The following SLC27A4 variants were observed in gnomAD, a reference collection of about 807,000 sequenced individuals.
SLC27A4 encodes solute carrier family 27 member 4, also known as long-chain fatty acid transport protein 4.
In SLC27A4, 33 loss-of-function variants were observed where a neutral mutation model predicts 64.4. That is an observed-to-expected ratio of 0.51 (90% CI 0.39 to 0.68). The LOEUF is 0.68. SLC27A4 is among the 30% of genes least tolerant of loss of function. The pLI, the probability that SLC27A4 is intolerant of heterozygous loss-of-function variation, is 0.00. For missense variants in SLC27A4, 824 were observed against 883.5 expected (o/e 0.93, Z 0.85); for synonymous variants, 377 against 370.0 (o/e 1.02, Z -0.22).
chr9:128,353,272 G>A lies in SLC27A4; in HGVS notation c.1197+38G>A, dbSNP rs1185453172. 1 of 1,610,562 alleles carries A rather than the reference G, an allele frequency of 6.2e-7. No individual in the cohort carries two copies. On this transcript the variant is annotated intron_variant, in intron 8 of 12. Transcript: ENST00000300456. The surrounding 1 kb of genome is among the most constrained non-coding windows in gnomAD (Gnocchi z 4.9). ...TGGGGATGGGCGAGGCTGCTGCAGG[G>A]ATGGCCCACAGAAGGCACTGGATGC...
Position 128,351,566 on chromosome 9 carries a change from A to G in SLC27A4, c.877+991A>G, listed in dbSNP as rs181684098. Among the ~76,000 whole-genome samples the G allele has an allele frequency of 2.4e-3, 356 of 150,566 alleles. 2 individuals are homozygous for G. The highest frequency in any genetic ancestry group is 8.5e-3 in the African/African-American group (345 of 40,824). ...ACCCTGTCTCTACTAAAAGTACAAA[A>G]AGTAGCTGGGCTTGGTGGCGGGTGC... On this transcript the variant is annotated intron_variant, in intron 6 of 12. Transcript: ENST00000300456.
At position 128,350,559 on chromosome 9, in the gene SLC27A4, C is replaced by A. The variant is rs369193438; in HGVS notation, c.861C>A (p.Pro287=). ...ACGACATCGTCTATGACTGCCTCCC[C>A]CTCTACCACTCAGCAGGTAACTCTA... is the stretch of plus-strand genomic sequence containing the variant. ...RPNDIVYDCL[P]LYHSAGNIVG... Residue 287 remains proline (P), a synonymous_variant, in exon 6 of 13, where the codon CCC becomes CCA. Transcript: ENST00000300456. The A allele has an allele frequency of 1.4e-5, 22 of 1,613,032 alleles. No individual in the cohort carries two copies. The highest frequency in any genetic ancestry group is 1.9e-5 in the Non-Finnish European group (22 of 1,179,640).
intron 4 of SLC27A4, 142 bp from the exon 5 acceptor site, chr9:128,350,170 C>G: frequency 1.4e-6 from 1 of 719,176 alleles, no homozygotes; most frequent in African/African-American, 1.7e-5. Context: ...TGAATGGTAT[C>G]TGAGGTTATC....
chr9:128,350,275 G>A (rs1832712789), intron 4 of SLC27A4, 37 bp from the exon 5 acceptor site: 1 of 1,596,484 alleles, frequency 6.3e-7, no homozygotes, highest in Non-Finnish European at 8.6e-7. Flanking sequence ...CCAGCCCTGA[G>A]CTGCCCCCGA....
chr9:128,352,948 G>C, intron 7 of SLC27A4, 77 bp from the exon 8 acceptor site: 1 of 1,329,286 alleles, frequency 7.5e-7, no homozygotes. Flanking sequence ...GGAGAGTAGG[G>C]GCTTGAGGGA....
chr9:128,344,530 C>A (rs1564398635), intron 2 of SLC27A4, among the ~76,000 whole-genome samples: 3 of 150,444 alleles, frequency 2.0e-5, no homozygotes, highest in East Asian at 2.0e-4. Context: ...AAAAAAAAAA[C>A]AAAAAAACAA....
chr9:128,360,961 A>C lies in SLC27A4; in HGVS notation c.*470A>C. ...CCCAAGTTCACTGGGCTCCACCCCCACCTCCAGGAGGGGAGGAGAGGACCT... is the reference window on the plus strand; with the variant it reads ...CCCAAGTTCACTGGGCTCCACCCCCCCCTCCAGGAGGGGAGGAGAGGACCT... On this transcript the variant is annotated 3_prime_UTR_variant, in exon 13 of 13. Transcript: ENST00000300456. 5.4e-6 allele frequency: 1 copy of C among 186,108 alleles called. No individual in the cohort carries two copies. The highest frequency in any genetic ancestry group is 1.1e-5 in the Non-Finnish European group (1 of 87,410). 11.5% of individuals were successfully genotyped at this position (186,108 alleles called of 1,614,324 possible).
chr9:128,354,730 C>T (rs983232439), intron 9 of SLC27A4, among the ~76,000 whole-genome samples: 6 of 151,502 alleles, frequency 4.0e-5, no homozygotes, highest in Non-Finnish European at 5.9e-5. Flanking sequence ...GGTGGATCAC[C>T]TGAGGTCAGG....
intron 2 of SLC27A4, among the ~76,000 whole-genome samples, chr9:128,344,147 G>A (rs749205475): frequency 3.9e-5 from 6 of 152,150 alleles, no homozygotes; most frequent in Non-Finnish European, 7.3e-5. Flanking sequence ...GAGAAAAAGC[G>A]GCTGTACTTG....
chr9:128,355,132 C>T lies in SLC27A4; in HGVS notation c.1404C>T (p.Ala468=). ...RRFDGYLNQG[A]NNKKIAKDVF... is the part of the protein sequence containing the mutation. ...TCGATGGCTACCTCAACCAGGGCGC[C>T]AACAACAAGAAGATTGCCAAGGATG... Residue 468 remains alanine, a synonymous_variant, in exon 10 of 13, where the codon GCC becomes GCT. Coordinates refer to ENST00000300456, the MANE Select transcript of SLC27A4 (RefSeq NM_005094.4). 1 of 1,613,408 alleles carries T rather than the reference C, an allele frequency of 6.2e-7. No individual in the cohort carries two copies. Among genetic ancestry groups the T allele is most frequent in the Non-Finnish European group, 8.5e-7 (1 of 1,179,796 alleles).
chr9:128,352,548 G>A, intron 6 of SLC27A4, 90 bp from the exon 7 acceptor site: 7 of 1,052,636 alleles, frequency 6.6e-6, no homozygotes. Context: ...GGCAGCACAA[G>A]CCTGCCTGGC....
chr9:128,341,081 C>T lies in SLC27A4; in HGVS notation c.-7+243C>T, dbSNP rs141169101. ...CCAGCCTTCCAGGACAGGTTCCTGC[C>T]CCTCTGCTATGGCGGGCTATGGGAG... On this transcript the variant is annotated intron_variant, in intron 1 of 12. Transcript: ENST00000300456. Among the ~76,000 whole-genome samples the T allele has an allele frequency of 8.1e-3, 1,236 of 152,342 alleles. 20 individuals are homozygous for T. Among genetic ancestry groups the T allele is most frequent in the African/African-American group, 0.028 (1,180 of 41,584 alleles).
chr9:128,354,972 AAAG>A, intron 9 of SLC27A4, 78 bp from the exon 10 acceptor site: 4 of 1,368,668 alleles, frequency 2.9e-6, no homozygotes, highest in South Asian at 1.4e-5. Flanking sequence ...AAAAAAAAAA[AAAG>A]ACGCAGGGTA....
chr9:128,356,448 G>T (rs780003592), intron 12 of SLC27A4, among the ~76,000 whole-genome samples: 2 of 152,378 alleles, frequency 1.3e-5, no homozygotes, highest in African/African-American at 4.8e-5. Flanking sequence ...GAAGCCCAGG[G>T]CCTTGCAGGC....
intron 1 of SLC27A4, chr9:128,342,081 T>G (rs1191860717): frequency 1.5e-6 from 1 of 671,536 alleles, no homozygotes; most frequent in Admixed American, 2.3e-5. Context: ...GCCATCCGGT[T>G]TTAGGGACCC....
intron 2 of SLC27A4, 87 bp downstream of exon 2, chr9:128,343,380 T>G: frequency 6.6e-7 from 1 of 1,508,402 alleles, no homozygotes; most frequent in South Asian, 1.1e-5. Flanking sequence ...AGACCTCATG[T>G]TCTCTACCAG....
chr9:128,342,540 C>G (rs1222596988), intron 1 of SLC27A4: 1 of 751,494 alleles, frequency 1.3e-6, no homozygotes, highest in Admixed American at 2.3e-5. Context: ...CCTGCCTCTC[C>G]CATCTGTCTA....
At chr9:128,352,088 G>A (rs1353518731) in intron 6 of SLC27A4, among the ~76,000 whole-genome samples, 2 of 151,946 alleles carry the variant, frequency 1.3e-5, no homozygotes, top group Admixed American at 6.6e-5. Context: ...CCAGCTACTC[G>A]GGAGGATGAT....
Position 128,345,571 on chromosome 9 carries a change from G to GA in SLC27A4, c.556+23dup. ...TCAGGTGAGCCCCAAGGGGGCGGGG[G>GA]ACAAGCAGGAACCCCATGGGATCTT... On this transcript the variant is annotated intron_variant, in intron 3 of 12. Coordinates refer to ENST00000300456, the MANE Select transcript of SLC27A4 (RefSeq NM_005094.4). This position sits in a 1 kb window ranked among gnomAD's most constrained non-coding sequence, Gnocchi z 4.1. 6.3e-7 allele frequency: 1 copy of GA among 1,586,870 alleles called. No homozygotes were observed. Among genetic ancestry groups the GA allele is most frequent in the Non-Finnish European group, 8.5e-7 (1 of 1,171,258 alleles).
Sources: allele counts gnomAD v4.1 joint callset (sites outside exome capture counted in the v4.1 genomes callset), GRCh38; gene constraint gnomAD v4.1.1; non-coding constraint Gnocchi (gnomAD v3.1); transcripts MANE v1.5; gene names NCBI Gene and HGNC (gene_info 2026-07-23, HGNC 2026-07-21).